The following KAT2B variants were observed in gnomAD, a reference collection of about 807,000 sequenced individuals.
The protein encoded by KAT2B is histone acetyltransferase KAT2B.
KAT2B carries 36 observed loss-of-function variants against 105.9 expected under a neutral mutation model. That is an observed-to-expected ratio of 0.34 (90% CI 0.26 to 0.45). KAT2B has a LOEUF of 0.45. Ranked by LOEUF, KAT2B falls within the 20% of genes least tolerant of loss-of-function variation. KAT2B has a pLI of 1.00. For missense variants in KAT2B, 820 were observed against 1,021.6 expected (o/e 0.80, Z 2.69); for synonymous variants, 397 against 377.9 (o/e 1.05, Z -0.59).
chr3:20,041,516 C>A (rs1256407493), intron 1 of KAT2B, among the ~76,000 whole-genome samples: 2 of 152,224 alleles, frequency 1.3e-5, no homozygotes, highest in African/African-American at 4.8e-5. Context: ...ACACCCATTT[C>A]TTGCTACCCA....
intron 7 of KAT2B, among the ~76,000 whole-genome samples, chr3:20,117,603 A>G (rs1195880345): frequency 1.3e-5 from 2 of 152,212 alleles, no homozygotes; most frequent in Non-Finnish European, 2.9e-5. Flanking sequence ...CTATTCAGTT[A>G]GAAGTGCTAT....
intron 11 of KAT2B, among the ~76,000 whole-genome samples, chr3:20,131,295 G>A (rs1699507424): frequency 6.6e-6 from 1 of 151,972 alleles, no homozygotes; most frequent in African/African-American, 2.4e-5. Flanking sequence ...GATTACAGTT[G>A]TGAGCCACTG....
chr3:20,118,334 GTGTGTGTGTGTGTGTGTGTGTGTGTA>G lies in KAT2B; in HGVS notation c.1151-1254_1151-1229del, dbSNP rs1699244176. ...TATATATTTTCTCCTAAATTTGTGTGTGTGTGTGTGTGTGTGTGTGTGTGTATGTGTGTGTATATGTATATATAAAA... is the reference window on the plus strand; with the variant it reads ...TATATATTTTCTCCTAAATTTGTGTGTGTGTGTGTATATGTATATATAAAA... On this transcript the variant is annotated intron_variant, in intron 7 of 17. Coordinates refer to ENST00000263754, the MANE Select transcript of KAT2B (RefSeq NM_003884.5). Among the ~76,000 whole-genome samples the G allele has an allele frequency of 2.1e-5, 3 of 144,484 alleles. No individual in the cohort carries two copies. In the South Asian group the frequency reaches 6.4e-4, roughly 31 times the overall value. 94.8% of individuals were successfully genotyped at this position (144,484 alleles called of 152,430 possible). A position where few individuals can be genotyped will look rare whatever the true frequency, so the allele number is the denominator to read the frequency against.
chr3:20,127,060 T>C (rs1374182032), intron 10 of KAT2B, among the ~76,000 whole-genome samples: 1 of 152,216 alleles, frequency 6.6e-6, no homozygotes, highest in East Asian at 1.9e-4. Flanking sequence ...GACTTAACTC[T>C]TCAGAGACAC....
chr3:20,072,497 C>A lies in KAT2B; in HGVS notation c.430+38C>A, dbSNP rs3749180. The A allele has an allele frequency of 0.39, 628,222 of 1,594,146 alleles. 126,230 individuals are homozygous for A. Among genetic ancestry groups the A allele is most frequent in the African/African-American group, 0.49 (36,772 of 74,536 alleles). ...ATCTTCAAGGAAAGTATAACGAGTTCATTGTAGCGTGAGACTCTTAACTTA... is the reference window on the plus strand; with the variant it reads ...ATCTTCAAGGAAAGTATAACGAGTTAATTGTAGCGTGAGACTCTTAACTTA... On this transcript the variant is annotated intron_variant, in intron 2 of 17. Coordinates refer to ENST00000263754, the MANE Select transcript of KAT2B (RefSeq NM_003884.5).
chr3:20,077,809 T>C (rs978347267), intron 2 of KAT2B, among the ~76,000 whole-genome samples: 1 of 152,190 alleles, frequency 6.6e-6, no homozygotes, highest in African/African-American at 2.4e-5. Context: ...AACAAAGTGC[T>C]TTAGTTGGTC....
At chr3:20,146,474 C>A (rs1221248459) in intron 14 of KAT2B, 44 bp downstream of exon 14, 2 of 1,102,970 alleles carry the variant, frequency 1.8e-6, no homozygotes, top group South Asian at 1.3e-5. Context: ...TTTAGTAATG[C>A]CGTGGTTTGT....
chr3:20,077,625 TTTTG>T (rs1417262479), intron 2 of KAT2B, among the ~76,000 whole-genome samples: 124 of 152,346 alleles, frequency 8.1e-4, no homozygotes, highest in African/African-American at 2.9e-3. Flanking sequence ...AATGATAATA[TTTTG>T]AATATGTTGG....
At chr3:20,050,462 A>G (rs1334870499) in intron 1 of KAT2B, among the ~76,000 whole-genome samples, 1 of 152,130 alleles carries the variant, frequency 6.6e-6, no homozygotes, top group African/African-American at 2.4e-5. Context: ...GGTAATCCTT[A>G]TTCTGACTTC....
intron 2 of KAT2B, among the ~76,000 whole-genome samples, chr3:20,080,670 C>T (rs1003624347): frequency 1.3e-5 from 2 of 152,168 alleles, no homozygotes; most frequent in Non-Finnish European, 2.9e-5. Context: ...ATAATCTATA[C>T]CTGCTGTGTC....
At position 20,149,882 on chromosome 3, in the gene KAT2B, C is replaced by T. The variant is rs539050987; in HGVS notation, c.2305+1395C>T. Among the ~76,000 whole-genome samples the T allele has an allele frequency of 3.3e-5, 5 of 152,342 alleles. No individual in the cohort carries two copies. In the South Asian group the frequency reaches 1.0e-3, roughly 32 times the overall value. On this transcript the variant is annotated intron_variant, in intron 17 of 17. Coordinates refer to ENST00000263754, the MANE Select transcript of KAT2B (RefSeq NM_003884.5). ...CCAACCATAAATTAACTGATTTTTG[C>T]ATCCTCTTCCTCTGGACCATCTCAG...
At chr3:20,077,128 G>A (rs971524519) in intron 2 of KAT2B, among the ~76,000 whole-genome samples, 1 of 152,176 alleles carries the variant, frequency 6.6e-6, no homozygotes, top group Admixed American at 6.5e-5. Flanking sequence ...TAAAACACAG[G>A]AGTGAGATAG....
intron 1 of KAT2B, among the ~76,000 whole-genome samples, chr3:20,050,180 A>G (rs893592046): frequency 2.7e-5 from 4 of 150,850 alleles, no homozygotes; most frequent in African/African-American, 7.3e-5. Context: ...AGCCTGGGCA[A>G]TGGAGTGAGA....
At chr3:20,062,215 AT>A (rs1353290675) in intron 1 of KAT2B, among the ~76,000 whole-genome samples, 1,775 of 78,436 alleles carry the variant, frequency 0.023, 128 homozygotes, top group Non-Finnish European at 0.034. Flanking sequence ...TATAAAATAT[AT>A]TATATATAAA....
intron 1 of KAT2B, among the ~76,000 whole-genome samples, chr3:20,068,161 A>G (rs1698256812): frequency 6.7e-6 from 1 of 149,358 alleles, no homozygotes; most frequent in South Asian, 2.1e-4. Context: ...CATGCCGACT[A>G]ATTTTTGTAT....
Position 20,152,645 on chromosome 3 carries a change from G to C in KAT2B, c.*120G>C. The C allele has an allele frequency of 1.4e-6, 1 of 724,926 alleles. No homozygotes were observed. The highest frequency in any genetic ancestry group is 2.1e-6 in the Non-Finnish European group (1 of 468,150). The allele number at this position is 724,926 out of a possible 1,614,324, so 44.9% of individuals were successfully genotyped here. A position where few individuals can be genotyped will look rare whatever the true frequency, so the allele number is the denominator to read the frequency against. On this transcript the variant is annotated 3_prime_UTR_variant, in exon 18 of 18. Transcript: ENST00000263754. Reference sequence around the variant, plus strand: ...AAGAGACTTGTAAATGTAATAATTAGCACTTTTGAAAAAACAAAAAACCTC... The same window carrying C: ...AAGAGACTTGTAAATGTAATAATTACCACTTTTGAAAAAACAAAAAACCTC...
intron 11 of KAT2B, among the ~76,000 whole-genome samples, chr3:20,128,263 C>T (rs1411668001): frequency 6.6e-6 from 1 of 152,142 alleles, no homozygotes; most frequent in Non-Finnish European, 1.5e-5. Flanking sequence ...CAATTAGTGA[C>T]ACTGAACTAC....
intron 1 of KAT2B, among the ~76,000 whole-genome samples, chr3:20,061,008 G>A (rs1470714043): frequency 6.6e-6 from 1 of 152,128 alleles, no homozygotes; most frequent in Non-Finnish European, 1.5e-5. Context: ...TTTACCATCT[G>A]AACTATTTTT....
intron 13 of KAT2B, among the ~76,000 whole-genome samples, chr3:20,144,041 A>T (rs751483553): frequency 7.9e-5 from 12 of 151,826 alleles, no homozygotes; most frequent in Non-Finnish European, 1.5e-4. Flanking sequence ...ATTAAAAAAG[A>T]TCTCTTCTCC....
Sources: gnomAD v4.1 joint callset for allele counts (sites outside exome capture counted in the v4.1 genomes callset) on GRCh38, gnomAD v4.1.1 for gene constraint, MANE v1.5 for transcripts, NCBI Gene and HGNC (gene_info 2026-07-23, HGNC 2026-07-21) for gene names.